The following GRHL2 variants were observed in gnomAD, a reference collection of about 807,000 sequenced individuals.
GRHL2 encodes grainyhead-like protein 2 homolog.
A neutral mutation model predicts 83.8 loss-of-function variants in GRHL2; 21 were observed. That is an observed-to-expected ratio of 0.25 (90% confidence interval 0.18 to 0.36). GRHL2 has a LOEUF of 0.36. GRHL2 is among the 10% of genes least tolerant of loss of function. The pLI is 1.00. For missense variants in GRHL2, 623 were observed against 781.8 expected (o/e 0.80, Z 2.42); for synonymous variants, 280 against 278.9 (o/e 1.00, Z -0.04).
At chr8:101,526,799 A>G (rs1162273627) in intron 1 of GRHL2, among the ~76,000 whole-genome samples, 1 of 152,190 alleles carries the variant, frequency 6.6e-6, no homozygotes, top group Admixed American at 6.5e-5. Flanking sequence ...GTATGCAGTC[A>G]AAGTGCTTTA....
At chr8:101,616,166 T>A (rs1230161979) in intron 8 of GRHL2, among the ~76,000 whole-genome samples, 4 of 149,674 alleles carry the variant, frequency 2.7e-5, no homozygotes, top group African/African-American at 9.8e-5. Context: ...CTTCCTTCCT[T>A]TCTCTCTCTC....
At chr8:101,676,653 C>T in the GRHL2 span, among the ~76,000 whole-genome samples, 2 of 152,036 alleles carry the variant, frequency 1.3e-5, no homozygotes, top group African/African-American at 2.4e-5. Flanking sequence ...GTCAGTGTGG[C>T]GATTCCTCAG....
chr8:101,678,741 G>C, the GRHL2 span, among the ~76,000 whole-genome samples: 3 of 152,020 alleles, frequency 2.0e-5, no homozygotes, highest in Admixed American at 6.5e-5. Flanking sequence ...ATCTGAGAAC[G>C]GGCAGACTGC....
At chr8:101,521,549 A>G (rs1810684173) in intron 1 of GRHL2, among the ~76,000 whole-genome samples, 1 of 152,102 alleles carries the variant, frequency 6.6e-6, no homozygotes, top group Admixed American at 6.5e-5. Context: ...TCAGAGCTTC[A>G]CCAGGGCAGA....
chr8:101,662,175 T>C (rs1033855654), intron 14 of GRHL2, among the ~76,000 whole-genome samples: 2 of 152,242 alleles, frequency 1.3e-5, no homozygotes, highest in Non-Finnish European at 2.9e-5. Flanking sequence ...TCTGTTCGAA[T>C]TGATGCCTCC....
Position 101,543,222 on chromosome 8 carries a change from A to G in GRHL2, c.21-19A>G. On this transcript the variant is annotated intron_variant, in intron 1 of 15. Transcript: ENST00000646743. ...TGCTCTCTCTGAAAATGAACCTCAC[A>G]TTTCTCTTGTTTTTACAGTAATAAA... is the stretch of plus-strand genomic sequence containing the variant. 1.9e-6 allele frequency: 3 copies of G among 1,607,406 alleles called. No homozygotes were observed. Among genetic ancestry groups the G allele is most frequent in the Non-Finnish European group, 2.6e-6 (3 of 1,173,924 alleles).
intron 12 of GRHL2, among the ~76,000 whole-genome samples, chr8:101,641,361 G>A (rs540918727): frequency 2.0e-5 from 3 of 152,012 alleles, no homozygotes; most frequent in Non-Finnish European, 2.9e-5. Context: ...CATGGTAACC[G>A]CATACATAGG....
At chr8:101,630,354 C>T (rs1263886802) in intron 9 of GRHL2, among the ~76,000 whole-genome samples, 1 of 152,112 alleles carries the variant, frequency 6.6e-6, no homozygotes, top group Non-Finnish European at 1.5e-5. Context: ...TGTGAATTGC[C>T]TATTTCATGA....
In GRHL2 at chr8:101,629,130, C is replaced by T. The variant is rs368941500; in HGVS notation, c.1258-2507C>T. Among the ~76,000 whole-genome samples the T allele has an allele frequency of 1.3e-4, 20 of 152,264 alleles. No homozygotes were observed. The East Asian group carries it at 3.5e-3, about 26-fold the overall frequency. On this transcript the variant is annotated intron_variant, in intron 9 of 15. Transcript: ENST00000646743. ...CATCACGTGTTACAGAGAAATCTTT[C>T]CTGAAAGGAAGAGTTAATTCATGCA...
In GRHL2 at chr8:101,609,786, A is replaced by C. The variant is rs1321587131; in HGVS notation, c.1099-9753A>C. Among the ~76,000 whole-genome samples, 3 of 151,010 alleles carry C rather than the reference A, an allele frequency of 2.0e-5. 1 individual carries two copies. Among genetic ancestry groups the C allele is most frequent in the African/African-American group, 7.4e-5 (3 of 40,394 alleles). The stretch of plus-strand genomic sequence containing the variant: ...TGTATTTGCATAACATGTTTCTAGA[A>C]GGATACTCAAGAAATTGTTGGTTGG... On this transcript the variant is annotated intron_variant, in intron 8 of 15. Transcript: ENST00000646743.
At chr8:101,670,985 C>T (rs1312767221), downstream of GRHL2, among the ~76,000 whole-genome samples, 4 of 152,152 alleles carry the variant, frequency 2.6e-5, no homozygotes, top group Admixed American at 2.6e-4. Flanking sequence ...GGCCTCTGAT[C>T]AGCCAGAAGC....
At chr8:101,653,009 G>A (rs562392961) in intron 14 of GRHL2, among the ~76,000 whole-genome samples, 3 of 152,240 alleles carry the variant, frequency 2.0e-5, no homozygotes, top group Admixed American at 1.3e-4. Context: ...TGAAATTTCG[G>A]AGGAGGCACA....
intron 1 of GRHL2, among the ~76,000 whole-genome samples, 193 bp from the exon 2 acceptor site, chr8:101,543,048 G>C (rs1381797767): frequency 6.6e-6 from 1 of 152,128 alleles, no homozygotes; most frequent in Non-Finnish European, 1.5e-5. Flanking sequence ...ACTTTTTAAA[G>C]ACTTATTACT....
chr8:101,608,735 T>TCTCACACACACA (rs1326292897), intron 8 of GRHL2, among the ~76,000 whole-genome samples: 3 of 144,656 alleles, frequency 2.1e-5, no homozygotes, highest in African/African-American at 8.0e-5. Flanking sequence ...GCTCACTCTC[T>TCTCACACACACA]CACACACACA....
intron 7 of GRHL2, among the ~76,000 whole-genome samples, chr8:101,594,278 T>C (rs546251244): frequency 2.0e-5 from 3 of 152,254 alleles, no homozygotes; most frequent in South Asian, 4.2e-4. Flanking sequence ...ACCATGTTTA[T>C]GGTAATTAGT....
At chr8:101,680,388 T>C in the GRHL2 span, among the ~76,000 whole-genome samples, 2 of 148,110 alleles carry the variant, frequency 1.4e-5, no homozygotes, top group Non-Finnish European at 3.0e-5. Context: ...ATCCTAAATA[T>C]ATATGCACCC....
At chr8:101,512,897 C>T (rs187171651) in intron 1 of GRHL2, among the ~76,000 whole-genome samples, 4 of 152,212 alleles carry the variant, frequency 2.6e-5, no homozygotes, top group East Asian at 1.9e-4. Flanking sequence ...GTCTGAGATC[C>T]GGGTGCCAGC....
intron 3 of GRHL2, among the ~76,000 whole-genome samples, chr8:101,555,789 C>T (rs913476583): frequency 1.3e-5 from 2 of 152,108 alleles, no homozygotes; most frequent in African/African-American, 4.8e-5. Context: ...AAATATTTTT[C>T]TATTTGCTGT....
At chr8:101,590,609 G>A (rs908300665) in intron 7 of GRHL2, among the ~76,000 whole-genome samples, 1 of 152,124 alleles carries the variant, frequency 6.6e-6, no homozygotes, top group African/African-American at 2.4e-5. Context: ...TTAACTCACC[G>A]AAGGTCTCGG....
Sources: allele counts gnomAD v4.1 joint callset (sites outside exome capture counted in the v4.1 genomes callset), GRCh38; gene constraint gnomAD v4.1.1; transcripts MANE v1.5; gene names NCBI Gene and HGNC (gene_info 2026-07-23, HGNC 2026-07-21).